CEP128: variants seen among roughly 807,000 people sequenced by gnomAD.
CEP128 encodes centrosomal protein 128.
A neutral mutation model predicts 156.7 loss-of-function variants in CEP128; 132 were observed. The observed-to-expected ratio is 0.84, with a 90% CI of 0.73 to 0.97. CEP128 has a LOEUF of 0.97. CEP128 is among the 50% of genes least tolerant of loss of function. The pLI is 0.00. For synonymous variants in CEP128, 469 were observed against 448.9 expected (o/e 1.04, Z -0.57); for missense variants, 1,252 against 1,281.9 (o/e 0.98, Z 0.36).
At chr14:80,691,845 G>T (rs1896730207) in intron 19 of CEP128, among the ~76,000 whole-genome samples, 1 of 152,128 alleles carries the variant, frequency 6.6e-6, no homozygotes, top group Non-Finnish European at 1.5e-5. Flanking sequence ...AAATTGTAAA[G>T]TGTTCCACAC....
chr14:80,522,923 C>T (rs1035858855), intron 23 of CEP128, among the ~76,000 whole-genome samples: 2 of 152,190 alleles, frequency 1.3e-5, no homozygotes, highest in African/African-American at 4.8e-5. Context: ...TTAGCTTGGT[C>T]AACTTAAGAC....
At chr14:80,755,100 C>T (rs1312777739) in intron 18 of CEP128, among the ~76,000 whole-genome samples, 1 of 152,110 alleles carries the variant, frequency 6.6e-6, no homozygotes, top group Non-Finnish European at 1.5e-5. Flanking sequence ...TAATCAGCTG[C>T]CAGTGTGGCT....
intron 23 of CEP128, among the ~76,000 whole-genome samples, chr14:80,512,400 C>T (rs1888303247): frequency 6.6e-6 from 1 of 151,912 alleles, no homozygotes; most frequent in African/African-American, 2.4e-5. Context: ...AGTATAGCTA[C>T]TCCTGCTGTT....
chr14:80,747,341 G>A (rs748018268), intron 18 of CEP128, among the ~76,000 whole-genome samples: 13 of 152,128 alleles, frequency 8.5e-5, no homozygotes, highest in Admixed American at 3.9e-4. Context: ...CCAAATTTCC[G>A]TCAAATGATG....
intron 19 of CEP128, among the ~76,000 whole-genome samples, chr14:80,656,882 G>C (rs1595164007): frequency 6.6e-6 from 1 of 152,094 alleles, no homozygotes; most frequent in South Asian, 2.1e-4. Flanking sequence ...TATAAACAGA[G>C]CGAACCAGAT....
intron 19 of CEP128, among the ~76,000 whole-genome samples, chr14:80,703,419 C>G (rs1424764482): frequency 6.6e-6 from 1 of 151,812 alleles, no homozygotes; most frequent in Non-Finnish European, 1.5e-5. Context: ...TTAAAGGACT[C>G]TCTGTAAAAC....
intron 21 of CEP128, among the ~76,000 whole-genome samples, chr14:80,541,354 G>A (rs1183762366): frequency 6.7e-6 from 1 of 149,304 alleles, no homozygotes; most frequent in Non-Finnish European, 1.5e-5. Context: ...TAGATATGGG[G>A]TTCTTGGAGT....
At chr14:80,488,709 A>C (rs113166983), downstream of CEP128, among the ~76,000 whole-genome samples, 2 of 152,158 alleles carry the variant, frequency 1.3e-5, no homozygotes, top group Admixed American at 6.5e-5. Flanking sequence ...GCACTATTCA[A>C]AATAGCAAAG....
intron 21 of CEP128, among the ~76,000 whole-genome samples, chr14:80,551,380 G>T (rs1252949829): frequency 6.6e-6 from 1 of 152,116 alleles, no homozygotes; most frequent in African/African-American, 2.4e-5. Context: ...TAATATTTTT[G>T]ATATATTTAT....
intron 19 of CEP128, among the ~76,000 whole-genome samples, chr14:80,635,563 A>G (rs563505275): frequency 1.3e-5 from 2 of 152,312 alleles, no homozygotes; most frequent in Admixed American, 6.5e-5. Context: ...TAGAGGATAC[A>G]GCGCCACACA....
chr14:80,854,944 T>A (rs1426742583), intron 9 of CEP128, among the ~76,000 whole-genome samples: 1 of 152,028 alleles, frequency 6.6e-6, no homozygotes, highest in Non-Finnish European at 1.5e-5. Flanking sequence ...ACATATGTAT[T>A]ACCAGAAACT....
chr14:80,588,262 TAC>T (rs1169368388), intron 19 of CEP128, among the ~76,000 whole-genome samples: 1 of 152,104 alleles, frequency 6.6e-6, no homozygotes, highest in Non-Finnish European at 1.5e-5. Flanking sequence ...TGCACTTAGT[TAC>T]AGAGTACAGC....
At chr14:80,495,690 A>T (rs1887470212), downstream of CEP128, among the ~76,000 whole-genome samples, 1 of 152,118 alleles carries the variant, frequency 6.6e-6, no homozygotes, top group Admixed American at 6.6e-5. Context: ...ATGACCATAG[A>T]TGCACTAATA....
chr14:80,871,594 T>C lies in CEP128; in HGVS notation c.646-8721A>G, dbSNP rs143713030. Reference sequence around the variant, plus strand: ...ACCTAAAGACATATATTTATAGCTTTTGAGTGATGACATAATTCCTAATAA... The same window carrying C: ...ACCTAAAGACATATATTTATAGCTTCTGAGTGATGACATAATTCCTAATAA... On this transcript the variant is annotated intron_variant, in intron 8 of 24. Transcript: ENST00000555265. Among the ~76,000 whole-genome samples, 139 of 152,220 alleles carry C rather than the reference T, an allele frequency of 9.1e-4. 1 individual carries two copies. The highest frequency in any genetic ancestry group is 3.2e-3 in the African/African-American group (135 of 41,550).
chr14:80,784,282 G>GA (rs34067954), intron 15 of CEP128, among the ~76,000 whole-genome samples: 113 of 137,350 alleles, frequency 8.2e-4, no homozygotes, highest in East Asian at 1.1e-3. Context: ...CACGTGTTAT[G>GA]AAAAAAAAAA....
At chr14:80,810,304 C>CA in intron 13 of CEP128, among the ~76,000 whole-genome samples, 1 of 91,072 alleles carries the variant, frequency 1.1e-5, no homozygotes, top group Non-Finnish European at 2.0e-5. Flanking sequence ...GCCTGGGCGA[C>CA]AGAGCAAGAC....
intron 18 of CEP128, among the ~76,000 whole-genome samples, chr14:80,751,797 T>C (rs1208582544): frequency 1.3e-5 from 2 of 152,014 alleles, no homozygotes; most frequent in East Asian, 3.9e-4. Context: ...GCCTGGCTAA[T>C]TTTTGTATTT....
chr14:80,602,893 A>G (rs1171672487), intron 19 of CEP128, among the ~76,000 whole-genome samples: 1 of 152,264 alleles, frequency 6.6e-6, no homozygotes, highest in Non-Finnish European at 1.5e-5. Flanking sequence ...TCACAAATGC[A>G]TAGAAATTAA....
At chr14:80,921,473 C>T (rs539882630) in intron 2 of CEP128, among the ~76,000 whole-genome samples, 3 of 152,124 alleles carry the variant, frequency 2.0e-5, no homozygotes, top group Admixed American at 6.5e-5. Flanking sequence ...TCTCAGCCTC[C>T]GTAACTGAAA....
Sources: gnomAD v4.1 joint callset for allele counts (sites outside exome capture counted in the v4.1 genomes callset) on GRCh38, gnomAD v4.1.1 for gene constraint, MANE v1.5 for transcripts, NCBI Gene and HGNC (gene_info 2026-07-23, HGNC 2026-07-21) for gene names.